The following RARB variants were observed in gnomAD, a reference collection of about 807,000 sequenced individuals.
The protein encoded by RARB is retinoic acid receptor beta.
In RARB, 17 loss-of-function variants were observed where a neutral mutation model predicts 51.9. The ratio of observed to expected loss-of-function variants is 0.33; its 90% CI spans 0.22 to 0.49. RARB has a LOEUF of 0.49. Ranked by LOEUF, RARB falls within the 20% of genes least tolerant of loss-of-function variation. The probability of loss-of-function intolerance (pLI) is 0.99; values close to 1 mark genes in which losing one functional copy is unlikely to be tolerated. For missense variants in RARB, 369 were observed against 550.8 expected, an observed-to-expected ratio of 0.67 and a Z score of 3.30; for synonymous variants, 215 against 195.4, an observed-to-expected ratio of 1.10 and a Z score of -0.84.
chr3:25,187,979 A>C (rs980287936), intron 5 of RARB, among the ~76,000 whole-genome samples: 2 of 152,154 alleles, frequency 1.3e-5, no homozygotes, highest in African/African-American at 4.8e-5. Context: ...AATGAAAATA[A>C]CAAGCAGTCC....
At chr3:25,594,928 T>C (rs1177312718) in intron 7 of RARB, among the ~76,000 whole-genome samples, 2 of 152,004 alleles carry the variant, frequency 1.3e-5, no homozygotes, top group Non-Finnish European at 2.9e-5. Context: ...TAGAAAAACA[T>C]TGTTTTCAAG....
intron 2 of RARB, among the ~76,000 whole-genome samples, chr3:24,896,898 A>G (rs974374470): frequency 9.2e-5 from 14 of 152,164 alleles, no homozygotes; most frequent in African/African-American, 3.4e-4. Context: ...AAAATAATGG[A>G]CACATTAAAC....
intron 5 of RARB, among the ~76,000 whole-genome samples, chr3:25,362,756 G>A (rs1460550707): frequency 1.3e-5 from 2 of 152,168 alleles, no homozygotes; most frequent in African/African-American, 4.8e-5. Flanking sequence ...CTTCCTGGGT[G>A]AAGCAGTGCC....
intron 3 of RARB, among the ~76,000 whole-genome samples, chr3:25,507,011 T>TA (rs1296597729): frequency 5.3e-5 from 8 of 152,258 alleles, no homozygotes; most frequent in Admixed American, 1.3e-4. Context: ...AAGCCTCCCC[T>TA]AAGCCTCATT....
At chr3:24,990,423 C>A (rs1291955402) in intron 2 of RARB, among the ~76,000 whole-genome samples, 3 of 88,600 alleles carry the variant, frequency 3.4e-5, no homozygotes, top group African/African-American at 1.4e-4. Flanking sequence ...ATCAAACTTT[C>A]CTACATTTTA....
intron 5 of RARB, chr3:25,352,322 C>T (rs1314355714): frequency 2.0e-5 from 3 of 152,186 alleles, no homozygotes; most frequent in Non-Finnish European, 4.4e-5. Context: ...CAAGTACTAA[C>T]CAGGGCCAAC....
At chr3:24,995,618 C>T (rs1006746925) in intron 2 of RARB, among the ~76,000 whole-genome samples, 4 of 151,866 alleles carry the variant, frequency 2.6e-5, no homozygotes, top group Non-Finnish European at 5.9e-5. Flanking sequence ...CATATATGGG[C>T]TTTATCATAT....
chr3:25,213,381 T>C (rs1701745159), intron 5 of RARB, among the ~76,000 whole-genome samples: 1 of 152,184 alleles, frequency 6.6e-6, no homozygotes, highest in Admixed American at 6.5e-5. Flanking sequence ...ATTCATATTG[T>C]CCTATGTAGC....
chr3:25,396,135 G>T (rs934517911), intron 5 of RARB, among the ~76,000 whole-genome samples: 1 of 152,124 alleles, frequency 6.6e-6, no homozygotes, highest in African/African-American at 2.4e-5. Context: ...TTCTCTTCTG[G>T]GTCTAGCCAC....
At chr3:25,247,959 T>C (rs529161202) in intron 5 of RARB, among the ~76,000 whole-genome samples, 1 of 152,340 alleles carries the variant, frequency 6.6e-6, no homozygotes, top group Non-Finnish European at 1.5e-5. Context: ...ATGATCTGCT[T>C]AATGCTGAGA....
At chr3:24,930,790 C>T (rs1695421519) in intron 2 of RARB, among the ~76,000 whole-genome samples, 1 of 151,992 alleles carries the variant, frequency 6.6e-6, no homozygotes, top group Admixed American at 6.6e-5. Flanking sequence ...AGAAGGATTG[C>T]CAGAGGCCAG....
At chr3:25,286,247 C>T (rs939675241) in intron 5 of RARB, among the ~76,000 whole-genome samples, 1 of 152,054 alleles carries the variant, frequency 6.6e-6, no homozygotes, top group African/African-American at 2.4e-5. Flanking sequence ...CGCCACCATG[C>T]CCAGCTAATT....
chr3:25,046,635 G>A (rs1272103236), intron 2 of RARB, among the ~76,000 whole-genome samples: 1 of 151,726 alleles, frequency 6.6e-6, no homozygotes. Context: ...TGTATTTTTT[G>A]ATAGAGACGG....
intron 2 of RARB, among the ~76,000 whole-genome samples, chr3:24,925,769 A>C (rs774179089): frequency 6.6e-6 from 1 of 151,944 alleles, no homozygotes. Context: ...CAGGTTCACA[A>C]CTTTCAATAG....
At chr3:24,873,545 AT>A (rs1474399254) in intron 2 of RARB, among the ~76,000 whole-genome samples, 1 of 151,502 alleles carries the variant, frequency 6.6e-6, no homozygotes, top group East Asian at 1.9e-4. Flanking sequence ...GACCAAATGG[AT>A]TGTGGGTTCT....
At chr3:25,148,438 G>A (rs1342184283) in intron 4 of RARB, among the ~76,000 whole-genome samples, 3 of 152,238 alleles carry the variant, frequency 2.0e-5, no homozygotes, top group Non-Finnish European at 4.4e-5. Flanking sequence ...TATTGAATCA[G>A]TGAATGTATA....
At chr3:25,289,285 T>G (rs1703728255) in intron 5 of RARB, among the ~76,000 whole-genome samples, 2 of 152,312 alleles carry the variant, frequency 1.3e-5, no homozygotes, top group African/African-American at 4.8e-5. Flanking sequence ...GAGATCTGTG[T>G]GTAAAGCACT....
chr3:24,980,792 A>T (rs112455323), intron 2 of RARB, among the ~76,000 whole-genome samples: 30,700 of 152,038 alleles, frequency 0.2, 3,656 homozygotes, highest in East Asian at 0.3. Context: ...TTCTCTGTCC[A>T]GTTTTGTTCC....
chr3:25,358,336 C>G (rs1705816848), intron 5 of RARB, among the ~76,000 whole-genome samples: 1 of 152,136 alleles, frequency 6.6e-6, no homozygotes, highest in Non-Finnish European at 1.5e-5. Context: ...AATTTGTATC[C>G]TAAGGCTTTG....
Sources: gnomAD v4.1 joint callset for allele counts (sites outside exome capture counted in the v4.1 genomes callset) on GRCh38, gnomAD v4.1.1 for gene constraint, MANE v1.5 for transcripts, NCBI Gene and HGNC (gene_info 2026-07-23, HGNC 2026-07-21) for gene names.